RAPGEF4: variants seen among roughly 807,000 people sequenced by gnomAD.
The protein encoded by RAPGEF4 is RAP guanine-nucleotide-exchange factor (GEF) 4.
RAPGEF4 carries 66 observed loss-of-function variants against 147.9 expected under a neutral mutation model. The ratio of observed to expected loss-of-function variants is 0.45; its 90% CI spans 0.37 to 0.55. The LOEUF (loss-of-function observed/expected upper bound fraction) is 0.55. Among genes scored for constraint, RAPGEF4 ranks in the 20% least tolerant of loss-of-function variants. RAPGEF4 has a pLI of 0.00. For synonymous variants in RAPGEF4, 419 were observed against 442.7 expected, an observed-to-expected ratio of 0.95 and a Z score of 0.67; for missense variants, 1,071 against 1,257.3, an observed-to-expected ratio of 0.85 and a Z score of 2.24.
chr2:173,004,481 A>G (rs1341787340), intron 17 of RAPGEF4, among the ~76,000 whole-genome samples: 4 of 152,110 alleles, frequency 2.6e-5, no homozygotes, highest in Non-Finnish European at 4.4e-5. Context: ...ATTGCTAACC[A>G]TTTTGTGTAT....
At chr2:172,930,364 G>A (rs1685791114) in intron 6 of RAPGEF4, among the ~76,000 whole-genome samples, 2 of 152,084 alleles carry the variant, frequency 1.3e-5, no homozygotes, top group Admixed American at 6.6e-5. Context: ...GGGGGAATTA[G>A]CTTGAGTTTC....
At chr2:172,773,611 T>TCCCTA (rs1683847019) in intron 1 of RAPGEF4, among the ~76,000 whole-genome samples, 2 of 149,988 alleles carry the variant, frequency 1.3e-5, no homozygotes, top group Admixed American at 6.7e-5. Context: ...CAGACTTCCC[T>TCCCTA]CCCCACCCCA....
intron 4 of RAPGEF4, among the ~76,000 whole-genome samples, chr2:172,840,580 C>T (rs1318690214): frequency 2.0e-5 from 3 of 152,180 alleles, no homozygotes; most frequent in African/African-American, 7.2e-5. Context: ...AAGTCTTAGG[C>T]GACTGCATGA....
intron 10 of RAPGEF4, among the ~76,000 whole-genome samples, chr2:172,975,831 C>A (rs754337651): frequency 6.6e-6 from 1 of 152,184 alleles, no homozygotes; most frequent in Non-Finnish European, 1.5e-5. Context: ...CAACTTGTTG[C>A]TTAGGTGTTT....
intron 4 of RAPGEF4, among the ~76,000 whole-genome samples, chr2:172,849,750 C>T (rs182720105): frequency 9.2e-5 from 14 of 152,302 alleles, no homozygotes; most frequent in Non-Finnish European, 1.5e-4. Context: ...AGTGACTGTG[C>T]GCCCTTGGGC....
intron 3 of RAPGEF4, among the ~76,000 whole-genome samples, chr2:172,809,876 A>G (rs936225448): frequency 2.0e-5 from 3 of 152,164 alleles, no homozygotes; most frequent in African/African-American, 7.2e-5. Context: ...CCTAATGAAT[A>G]AGAGGATTGC....
At chr2:172,788,005 T>C (rs779983202) in intron 1 of RAPGEF4, among the ~76,000 whole-genome samples, 11 of 152,300 alleles carry the variant, frequency 7.2e-5, no homozygotes, top group Non-Finnish European at 1.3e-4. Context: ...AAGATCAAGA[T>C]GCTGGTAGAT....
rs565000901 is a variant in RAPGEF4, at chr2:172,987,228, G to A, written c.1151-968G>A. ...GAGGTGGAAGGATCTCTTAGGCCCA[G>A]GAGGTCAAGGCTGCAGTGAGCCGTG... On this transcript the variant is annotated intron_variant, in intron 12 of 30. Coordinates refer to ENST00000397081, the MANE Select transcript of RAPGEF4 (RefSeq NM_007023.4). 2.6e-5 allele frequency among the ~76,000 whole-genome samples: 4 copies of A among 152,276 alleles called. No homozygotes were observed. The South Asian group carries it at 6.2e-4, about 24-fold the overall frequency.
chr2:172,830,671 A>G (rs1038770141), intron 4 of RAPGEF4, among the ~76,000 whole-genome samples: 30 of 152,168 alleles, frequency 2.0e-4, no homozygotes, highest in Non-Finnish European at 4.4e-5. Context: ...TGGTGCAATC[A>G]CGGCTCGCTG....
intron 4 of RAPGEF4, among the ~76,000 whole-genome samples, chr2:172,842,330 G>T (rs6746973): frequency 6.6e-6 from 1 of 152,212 alleles, no homozygotes; most frequent in Non-Finnish European, 1.5e-5. Context: ...AGGTGGATTG[G>T]ATTGCAGAAG....
intron 5 of RAPGEF4, among the ~76,000 whole-genome samples, chr2:172,919,157 C>T (rs1307082489): frequency 6.6e-6 from 1 of 152,128 alleles, no homozygotes; most frequent in African/African-American, 2.4e-5. Flanking sequence ...CCCAGCAATG[C>T]TGTCTTCTAG....
intron 17 of RAPGEF4, among the ~76,000 whole-genome samples, chr2:173,012,246 T>C (rs1270005178): frequency 6.6e-6 from 1 of 152,174 alleles, no homozygotes; most frequent in Non-Finnish European, 1.5e-5. Context: ...GCATGGTCCA[T>C]AGTGGCATCA....
Position 172,988,225 on chromosome 2 carries a change from T to A in RAPGEF4, c.1180T>A (p.Trp394Arg). 1 of 1,611,516 alleles carries A rather than the reference T, an allele frequency of 6.2e-7. No homozygotes were observed. Among genetic ancestry groups the A allele is most frequent in the Non-Finnish European group, 8.5e-7 (1 of 1,179,448 alleles). The change falls in exon 13 of 31, where the codon TGG (tryptophan) becomes AGG (arginine). Residue 394 changes from tryptophan to arginine, a missense_variant. Trp to Arg is a moderately radical substitution (Grantham distance 101, BLOSUM62 -3). Transcript: ENST00000397081. ...TAACCAGGGGGAAGAAGGTACCTCC[T>A]GGTACATTATTCTAAAAGGATCAGT... Reference protein sequence around the residue: ...LFNQGEEGTSWYIILKGSVNV... With the variant: ...LFNQGEEGTSRYIILKGSVNV...
chr2:173,048,623 A>G lies in RAPGEF4; in HGVS notation c.2877A>G (p.Arg959=), dbSNP rs757118030. The change falls in exon 30 of 31, where the codon AGA becomes AGG. Residue 959 remains arginine (R), a synonymous_variant. Coordinates refer to ENST00000397081, the MANE Select transcript of RAPGEF4 (RefSeq NM_007023.4). The part of the protein sequence containing the change: ...EKMRMIANTA[R]TVRYYRSQPF... ...AGCGCATGATTGCAAATACGGCCAG[A>G]ACAGTGAGATACTACAGGAGCCAAC... 4 of 1,614,156 alleles carry G rather than the reference A, an allele frequency of 2.5e-6. No homozygotes were observed. The highest frequency in any genetic ancestry group is 1.1e-5 in the South Asian group (1 of 91,082).
intron 1 of RAPGEF4, among the ~76,000 whole-genome samples, chr2:172,791,351 A>G (rs943226739): frequency 6.6e-6 from 1 of 152,216 alleles, no homozygotes; most frequent in African/African-American, 2.4e-5. Flanking sequence ...TCGCTGTAGA[A>G]GATTACATGC....
intron 4 of RAPGEF4, among the ~76,000 whole-genome samples, chr2:172,862,156 C>G (rs752035917): frequency 1.3e-5 from 2 of 152,120 alleles, no homozygotes; most frequent in Non-Finnish European, 2.9e-5. Flanking sequence ...CATCACTGTC[C>G]TAACTAAAGG....
intron 15 of RAPGEF4, among the ~76,000 whole-genome samples, chr2:172,996,030 C>A (rs919205886): frequency 1.3e-5 from 2 of 152,122 alleles, no homozygotes; most frequent in Non-Finnish European, 2.9e-5. Context: ...GCGGGGGAAT[C>A]CAGTGTGGGA....
intron 30 of RAPGEF4, among the ~76,000 whole-genome samples, chr2:173,050,866 T>A (rs998596939): frequency 6.6e-6 from 1 of 152,092 alleles, no homozygotes; most frequent in Admixed American, 6.6e-5. Flanking sequence ...TGTTTCCAGT[T>A]CACCACCTTC....
At chr2:172,915,272 A>T (rs1683938742) in intron 4 of RAPGEF4, among the ~76,000 whole-genome samples, 3 of 152,252 alleles carry the variant, frequency 2.0e-5, no homozygotes, top group Admixed American at 2.0e-4. Flanking sequence ...TGAAACAATT[A>T]GAAAGTTTGA....
Sources: gnomAD v4.1 joint callset for allele counts (sites outside exome capture counted in the v4.1 genomes callset) on GRCh38, gnomAD v4.1.1 for gene constraint, MANE v1.5 for transcripts, NCBI Gene and HGNC (gene_info 2026-07-23, HGNC 2026-07-21) for gene names.